Variants in CYP4F3 observed in about 807,000 individuals in gnomAD.
CYP4F3 encodes the protein cytochrome P450 family 4 subfamily F member 3, also known as cytochrome P450 4F3.
CYP4F3 carries 50 observed loss-of-function variants against 54.8 expected under a neutral mutation model. The observed-to-expected ratio is 0.91, with a 90% CI of 0.73 to 1.16. The LOEUF (loss-of-function observed/expected upper bound fraction) is 1.16. Among genes scored for constraint, CYP4F3 ranks in the 50% most tolerant of loss-of-function variants. The probability of loss-of-function intolerance (pLI) is 0.00; values close to 1 mark genes in which losing one functional copy is unlikely to be tolerated. For missense variants in CYP4F3, 715 were observed against 676.2 expected (o/e 1.06, Z -0.64); for synonymous variants, 244 against 262.6 (o/e 0.93, Z 0.69).
intron 9 of CYP4F3, among the ~76,000 whole-genome samples, chr19:15,656,680 C>T (rs937103107): frequency 6.6e-6 from 1 of 151,906 alleles, no homozygotes; most frequent in African/African-American, 2.4e-5. Context: ...ATCTATCTCT[C>T]TACTTATTTA....
At chr19:15,653,219 T>C (rs1202869323) in intron 9 of CYP4F3, among the ~76,000 whole-genome samples, 6 of 152,186 alleles carry the variant, frequency 3.9e-5, no homozygotes, top group Non-Finnish European at 7.3e-5. Context: ...GTTCAGCAAA[T>C]GAACTTCCCC....
Position 15,650,090 on chromosome 19 carries a change from C to T in CYP4F3, c.825C>T (p.Arg275=), listed in dbSNP as rs769379476. 6.2e-7 allele frequency: 1 copy of T among 1,614,204 alleles called. No homozygotes were observed. The highest frequency in any genetic ancestry group is 8.5e-7 in the Non-Finnish European group (1 of 1,180,034). The change falls in exon 7 of 13, where the codon CGC becomes CGT. Residue 275 remains arginine (R), a synonymous_variant. Transcript: ENST00000221307. ...CAGATGCCGTCATCCAGGAGCGGCG[C>T]CGCACCCTCCCTAGCCAGGGTGTTG... ...DFTDAVIQER[R]RTLPSQGVDD...
chr19:15,648,446 T>C (rs1481307049), intron 5 of CYP4F3, among the ~76,000 whole-genome samples: 1 of 152,030 alleles, frequency 6.6e-6, no homozygotes, highest in Non-Finnish European at 1.5e-5. Flanking sequence ...TCAAAGTTAT[T>C]TTCTGCAAAC....
chr19:15,644,056 C>T, intron 2 of CYP4F3: 1 of 1,574,158 alleles, frequency 6.4e-7, no homozygotes. Context: ...CCTCAGGTAC[C>T]ACCTGGAATA....
chr19:15,650,130 G>A lies in CYP4F3; in HGVS notation c.865G>A (p.Ala289Thr). The change falls in exon 7 of 13, where the codon GCC (alanine) becomes ACC (threonine). Residue 289 changes from alanine to threonine, a missense_variant. Ala to Thr is a moderately conservative substitution (Grantham distance 58). Coordinates refer to ENST00000221307, the MANE Select transcript of CYP4F3 (RefSeq NM_000896.3). ...CCAGGGTGTTGATGACTTCCTCCAA[G>A]CCAAGGCCAAATCCAAGACTTTGGA... ...PSQGVDDFLQ[A>T]KAKSKTLDFI... is the part of the protein sequence containing the mutation. 9 of 1,614,176 alleles carry A rather than the reference G, an allele frequency of 5.6e-6. No homozygotes were observed. Among genetic ancestry groups the A allele is most frequent in the Non-Finnish European group, 7.6e-6 (9 of 1,180,040 alleles).
chr19:15,642,459 G>C (rs1568390808), intron 2 of CYP4F3, among the ~76,000 whole-genome samples: 1 of 152,224 alleles, frequency 6.6e-6, no homozygotes, highest in Admixed American at 6.5e-5. Flanking sequence ...TGGAACCTGT[G>C]TGGCTGGTGG....
At chr19:15,658,847 T>C (rs1271835990) in intron 12 of CYP4F3, 38 bp downstream of exon 12, 1 of 1,609,994 alleles carries the variant, frequency 6.2e-7, no homozygotes, top group Non-Finnish European at 8.5e-7. Flanking sequence ...GACGGGGAGA[T>C]AGGTGCAGGG....
rs768946689 is a variant in CYP4F3, at chr19:15,645,792, G to A, written c.272G>A (p.Trp91Ter). Residue 91 changes from tryptophan (W) to a stop codon, truncating the protein, a stop_gained, in exon 3 of 13, where the codon TGG becomes TAG. Transcript: ENST00000221307. LOFTEE classifies it high-confidence loss of function. ...ACTFGDMCCW[W>*]VGPWHAIVRI... ...ACCTTCGGTGATATGTGCTGCTGGT[G>A]GGTGGGGCCCTGGCACGCAATCGTC... The A allele has an allele frequency of 1.2e-6, 2 of 1,614,068 alleles. No homozygotes were observed. The highest frequency in any genetic ancestry group is 4.5e-5 in the East Asian group (2 of 44,900).
rs1416353508 is a variant in CYP4F3 at position 15,650,104 on chromosome 19, G to A, written c.839G>A (p.Ser280Asn). 1.2e-6 allele frequency: 2 copies of A among 1,614,060 alleles called. No homozygotes were observed. Among genetic ancestry groups the A allele is most frequent in the Non-Finnish European group, 1.7e-6 (2 of 1,180,038 alleles). Residue 280 changes from serine (S) to asparagine (N), a missense_variant, in exon 7 of 13, where the codon AGC becomes AAC. By Grantham distance (46) the Ser-to-Asn change is conservative. Coordinates refer to ENST00000221307, the MANE Select transcript of CYP4F3 (RefSeq NM_000896.3). Reference protein sequence around the residue: ...VIQERRRTLPSQGVDDFLQAK... With the variant: ...VIQERRRTLPNQGVDDFLQAK... The stretch of plus-strand genomic sequence containing the variant: ...CAGGAGCGGCGCCGCACCCTCCCTA[G>A]CCAGGGTGTTGATGACTTCCTCCAA...
intron 9 of CYP4F3, among the ~76,000 whole-genome samples, chr19:15,656,752 CT>C (rs1973035346): frequency 5.1e-5 from 5 of 97,394 alleles, no homozygotes; most frequent in African/African-American, 1.3e-4. Context: ...ATCTATCTAT[CT>C]ATCTATCTAT....
At chr19:15,657,927 T>C (rs1405950910) in intron 9 of CYP4F3, among the ~76,000 whole-genome samples, 1 of 152,188 alleles carries the variant, frequency 6.6e-6, no homozygotes, top group Non-Finnish European at 1.5e-5. Flanking sequence ...TTTTGATTAA[T>C]TTTTATGACG....
Position 15,659,421 on chromosome 19 carries a change from A to G in CYP4F3, c.*36A>G. 6.3e-7 allele frequency: 1 copy of G among 1,598,446 alleles called. No individual in the cohort carries two copies. The highest frequency in any genetic ancestry group is 1.1e-5 in the South Asian group (1 of 89,200). Reference sequence around the variant, plus strand: ...GACCCACTCTGACCCCACTAAAATGACCCCTGATTCATCAAAAGTGAGGCC... The same window carrying G: ...GACCCACTCTGACCCCACTAAAATGGCCCCTGATTCATCAAAAGTGAGGCC... On this transcript the variant is annotated 3_prime_UTR_variant, in exon 13 of 13. Coordinates refer to ENST00000221307, the MANE Select transcript of CYP4F3 (RefSeq NM_000896.3).
At chr19:15,654,289 G>A (rs1174482863) in intron 9 of CYP4F3, among the ~76,000 whole-genome samples, 1 of 152,154 alleles carries the variant, frequency 6.6e-6, no homozygotes, top group Non-Finnish European at 1.5e-5. Context: ...TGAAATACAT[G>A]TGATAATCTA....
chr19:15,644,817 A>T (rs772165997), intron 2 of CYP4F3, among the ~76,000 whole-genome samples: 2 of 152,206 alleles, frequency 1.3e-5, no homozygotes, highest in Non-Finnish European at 2.9e-5. Flanking sequence ...GCAGGGAAAC[A>T]GGCAGCATCC....
chr19:15,641,402 A>G lies in CYP4F3; in HGVS notation c.-1-13A>G, dbSNP rs985772574. 1.2e-6 allele frequency: 2 copies of G among 1,613,434 alleles called. No homozygotes were observed. Among genetic ancestry groups the G allele is most frequent in the East Asian group, 2.2e-5 (1 of 44,864 alleles). The stretch of plus-strand genomic sequence containing the variant: ...GCCTCAGGACCTCACTCACCACCCC[A>G]TCTGCCCTGCAGGATGCCACAGCTG... On this transcript the variant is annotated splice_polypyrimidine_tract_variant and intron_variant, in intron 1 of 12. Coordinates refer to ENST00000221307, the MANE Select transcript of CYP4F3 (RefSeq NM_000896.3).
At chr19:15,653,195 G>A (rs371173357) in intron 9 of CYP4F3, among the ~76,000 whole-genome samples, 71 of 152,178 alleles carry the variant, frequency 4.7e-4, no homozygotes, top group Admixed American at 2.0e-3. Context: ...GACAGATAAC[G>A]CCACTTAGCA....
rs1555743688 is a variant in CYP4F3 at position 15,656,728 on chromosome 19, T to TTATCTATCTATCTATC, written c.1116-1511_1116-1496dup. On this transcript the variant is annotated intron_variant, in intron 9 of 12. Coordinates refer to ENST00000221307, the MANE Select transcript of CYP4F3 (RefSeq NM_000896.3). The stretch of plus-strand genomic sequence containing the variant: ...CTATGTATCTATCTATATCATCTAT[T>TTATCTATCTATCTATC]TATCTATCTATCTATCTATCTATCT... 4.2e-3 allele frequency among the ~76,000 whole-genome samples: 603 copies of TTATCTATCTATCTATC among 144,006 alleles called. 3 individuals are homozygous for TTATCTATCTATCTATC. Among genetic ancestry groups the TTATCTATCTATCTATC allele is most frequent in the Non-Finnish European group, 3.9e-3 (257 of 65,274 alleles). The allele number at this position is 144,006 out of a possible 152,430, so 94.5% of individuals were successfully genotyped here. A position where few individuals can be genotyped will look rare whatever the true frequency, so the allele number is the denominator to read the frequency against.
At chr19:15,650,694 TTCTTTC>T (rs1972783559) in intron 7 of CYP4F3, among the ~76,000 whole-genome samples, 1 of 34,788 alleles carries the variant, frequency 2.9e-5, no homozygotes, top group African/African-American at 1.0e-4. Flanking sequence ...CTTTCTTTCT[TTCTTTC>T]TTTCTTTCTT....
chr19:15,660,325 T>G lies in CYP4F3; in HGVS notation c.*940T>G, dbSNP rs560086569. The G allele has an allele frequency of 6.6e-6, 1 of 152,376 alleles. No homozygotes were observed. Among genetic ancestry groups the G allele is most frequent in the East Asian group, 1.9e-4 (1 of 5,192 alleles). 9.4% of individuals were successfully genotyped at this position (152,376 alleles called of 1,614,324 possible). A position where few individuals can be genotyped will look rare whatever the true frequency, so the allele number is the denominator to read the frequency against. On this transcript the variant is annotated 3_prime_UTR_variant, in exon 13 of 13. Transcript: ENST00000221307. ...CAAATGACTTTTGGAGTAGAGATTT[T>G]ATTTTTATAGCAATAGATGCACAGA...
Sources: gnomAD v4.1 joint callset for allele counts (sites outside exome capture counted in the v4.1 genomes callset) on GRCh38, gnomAD v4.1.1 for gene constraint, MANE v1.5 for transcripts, NCBI Gene and HGNC (gene_info 2026-07-23, HGNC 2026-07-21) for gene names.